Variants in GFRA1 observed in about 807,000 individuals in gnomAD.
GFRA1 encodes the protein GDNF family receptor alpha 1.
Under a neutral mutation model 51.6 loss-of-function variants are expected in GFRA1, and 16 were observed. The observed-to-expected ratio is 0.31, with a 90% CI of 0.21 to 0.47. The LOEUF (loss-of-function observed/expected upper bound fraction) is 0.47. Among genes scored for constraint, GFRA1 ranks in the 20% least tolerant of loss-of-function variants. GFRA1 has a pLI of 1.00. For synonymous variants in GFRA1, 270 were observed against 241.3 expected (o/e 1.12, Z -1.10); for missense variants, 530 against 594.3 (o/e 0.89, Z 1.13).
chr10:116,178,705 A>C (rs1961903305), intron 5 of GFRA1, among the ~76,000 whole-genome samples: 2 of 152,192 alleles, frequency 1.3e-5, no homozygotes, highest in South Asian at 2.1e-4. Context: ...AAATACACTC[A>C]AACCAAGGGA....
At chr10:116,077,514 C>T (rs907375878) in intron 9 of GFRA1, among the ~76,000 whole-genome samples, 1 of 152,146 alleles carries the variant, frequency 6.6e-6, no homozygotes, top group African/African-American at 2.4e-5. Context: ...ATTGCTAAAA[C>T]CGTAATCTGA....
At chr10:116,268,517 T>A (rs1237687098) in intron 4 of GFRA1, among the ~76,000 whole-genome samples, 1 of 152,238 alleles carries the variant, frequency 6.6e-6, no homozygotes, top group Non-Finnish European at 1.5e-5. Context: ...GATGAATGCA[T>A]GTATAACACA....
At chr10:116,194,401 G>C (rs1963554745) in intron 5 of GFRA1, among the ~76,000 whole-genome samples, 1 of 152,202 alleles carries the variant, frequency 6.6e-6, no homozygotes, top group Non-Finnish European at 1.5e-5. Context: ...CCTGTCTGCA[G>C]ATGAACCCAG....
At chr10:116,255,755 T>C in intron 4 of GFRA1, 1 of 1,287,618 alleles carries the variant, frequency 7.8e-7, no homozygotes, top group Non-Finnish European at 1.0e-6. Context: ...CATTGCACTC[T>C]GCACTTTCTG....
chr10:116,234,546 G>A (rs1030946162), intron 4 of GFRA1, among the ~76,000 whole-genome samples: 4 of 152,168 alleles, frequency 2.6e-5, no homozygotes, highest in African/African-American at 4.8e-5. Flanking sequence ...ACCTAGTCAC[G>A]GCCCTCTGGT....
chr10:116,089,678 G>GC, intron 9 of GFRA1, 63 bp downstream of exon 9: 1 of 1,353,956 alleles, frequency 7.4e-7, no homozygotes, highest in Non-Finnish European at 1.1e-6. Context: ...AAATGGGTCT[G>GC]CCCGTGTTTC....
At chr10:116,255,776 A>G in intron 4 of GFRA1, 1 of 1,281,986 alleles carries the variant, frequency 7.8e-7, no homozygotes, top group South Asian at 1.2e-5. Flanking sequence ...GCCCACCACC[A>G]TCTCCCCAGC....
chr10:116,137,418 T>C (rs9787429), intron 5 of GFRA1, among the ~76,000 whole-genome samples: 81,802 of 151,952 alleles, frequency 0.54, 23,169 homozygotes, highest in Admixed American at 0.66. Flanking sequence ...TTAAAGAGCA[T>C]AAAATTCAAT....
intron 4 of GFRA1, among the ~76,000 whole-genome samples, chr10:116,264,777 G>A (rs1017086018): frequency 2.6e-5 from 4 of 152,204 alleles, no homozygotes; most frequent in African/African-American, 7.2e-5. Context: ...ATGGAGAGCA[G>A]GGCCTTCACT....
Position 116,111,542 on chromosome 10 carries a change from G to A in GFRA1, c.770+13679C>T, listed in dbSNP as rs962537966. Among the ~76,000 whole-genome samples the A allele has an allele frequency of 3.3e-5, 5 of 152,068 alleles. No homozygotes were observed. The East Asian group carries it at 7.7e-4, about 24-fold the overall frequency. ...CCCTCTGTGCCCCATATCCGACCTG[G>A]GCTGCCAGCCCACACCCAGCCACAG... On this transcript the variant is annotated intron_variant, in intron 6 of 10. Transcript: ENST00000355422.
chr10:116,252,977 C>T (rs1017250252), intron 4 of GFRA1, among the ~76,000 whole-genome samples: 1 of 152,220 alleles, frequency 6.6e-6, no homozygotes, highest in African/African-American at 2.4e-5. Flanking sequence ...AATATAAAAA[C>T]ATCTCCCTAA....
At chr10:116,143,006 C>T (rs1042476284) in intron 5 of GFRA1, among the ~76,000 whole-genome samples, 1 of 152,102 alleles carries the variant, frequency 6.6e-6, no homozygotes, top group African/African-American at 2.4e-5. Context: ...CCCACTCTGA[C>T]GGGCCAGTAT....
At chr10:116,191,340 G>A (rs895730676) in intron 5 of GFRA1, among the ~76,000 whole-genome samples, 7 of 152,290 alleles carry the variant, frequency 4.6e-5, no homozygotes, top group East Asian at 1.9e-4. Context: ...TTGATAGGCC[G>A]TATACATTTT....
chr10:116,102,332 G>A (rs1956847990), intron 6 of GFRA1, among the ~76,000 whole-genome samples: 1 of 152,176 alleles, frequency 6.6e-6, no homozygotes, highest in Non-Finnish European at 1.5e-5. Flanking sequence ...CGGGTACTTT[G>A]AATGTATTGC....
intron 5 of GFRA1, among the ~76,000 whole-genome samples, chr10:116,183,712 C>T (rs1275432432): frequency 6.6e-6 from 1 of 152,178 alleles, no homozygotes; most frequent in Non-Finnish European, 1.5e-5. Flanking sequence ...CCTTCTCTGC[C>T]TCTTGCTCAC....
intron 5 of GFRA1, among the ~76,000 whole-genome samples, chr10:116,162,989 T>TGCTCCTGACCATTTTAATGTCACATGC (rs1959986268): frequency 6.6e-6 from 1 of 152,184 alleles, no homozygotes; most frequent in Admixed American, 6.5e-5. Context: ...CAGTCACATG[T>TGCTCCTGACCATTTTAATGTCACATGC]GCTCCTGACC....
intron 4 of GFRA1, among the ~76,000 whole-genome samples, chr10:116,258,871 T>C (rs1213683056): frequency 6.6e-6 from 1 of 152,190 alleles, no homozygotes; most frequent in African/African-American, 2.4e-5. Context: ...TACTTCTCTT[T>C]AAGTATCATG....
chr10:116,123,105 G>C (rs535617616), intron 6 of GFRA1, among the ~76,000 whole-genome samples: 1 of 152,294 alleles, frequency 6.6e-6, no homozygotes, highest in South Asian at 2.1e-4. Context: ...ACAGCTTCTT[G>C]GCTGCATTCA....
chr10:116,211,862 T>C lies in GFRA1; in HGVS notation c.419-217A>G, dbSNP rs750733176. Among the ~76,000 whole-genome samples the C allele has an allele frequency of 1.1e-4, 16 of 152,302 alleles. No homozygotes were observed. The South Asian group carries it at 3.3e-3, about 32-fold the overall frequency. On this transcript the variant is annotated intron_variant, in intron 4 of 10. Transcript: ENST00000355422. ...CAATCCTGGCCTCACACTTACTAAC[T>C]CTGTGACTTACAGTTCCCTAAACCA... is the stretch of plus-strand genomic sequence containing the variant.
Sources: allele counts gnomAD v4.1 joint callset (sites outside exome capture counted in the v4.1 genomes callset), GRCh38; gene constraint gnomAD v4.1.1; transcripts MANE v1.5; gene names NCBI Gene and HGNC (gene_info 2026-07-23, HGNC 2026-07-21).